KALRN: variants seen among roughly 807,000 people sequenced by gnomAD.
The protein encoded by KALRN is kalirin RhoGEF kinase, also known as kalirin.
KALRN carries 70 observed loss-of-function variants against 353.7 expected under a neutral mutation model. The ratio of observed to expected loss-of-function variants is 0.20; its 90% CI spans 0.16 to 0.24. The LOEUF (loss-of-function observed/expected upper bound fraction) is 0.24, where lower values mean the gene tolerates loss of function less well. KALRN is among the 10% of genes least tolerant of loss of function. The pLI is 1.00. For missense variants in KALRN, 2,791 were observed against 3,756.7 expected, an observed-to-expected ratio of 0.74 and a Z score of 6.72; for synonymous variants, 1,391 against 1,434.8, an observed-to-expected ratio of 0.97 and a Z score of 0.69.
intron 36 of KALRN, among the ~76,000 whole-genome samples, chr3:124,634,900 G>A (rs897753245): frequency 1.3e-5 from 2 of 152,150 alleles, no homozygotes; most frequent in Admixed American, 1.3e-4. Flanking sequence ...CCTGTAGTGG[G>A]ACAGCCTCCT....
At chr3:124,174,399 A>G (rs2072354306) in intron 1 of KALRN, among the ~76,000 whole-genome samples, 1 of 152,038 alleles carries the variant, frequency 6.6e-6, no homozygotes, top group Admixed American at 6.6e-5. Flanking sequence ...ATGTCACTGC[A>G]CTCCAGCCTG....
At chr3:124,066,483 G>C (rs778245580) in intron 1 of KALRN, among the ~76,000 whole-genome samples, 1 of 152,144 alleles carries the variant, frequency 6.6e-6, no homozygotes, top group African/African-American at 2.4e-5. Context: ...TTAATGAAAG[G>C]ACTCTTTACA....
intron 34 of KALRN, among the ~76,000 whole-genome samples, chr3:124,628,967 T>G (rs1036790184): frequency 3.3e-5 from 5 of 152,194 alleles, no homozygotes; most frequent in Non-Finnish European, 1.5e-5. Flanking sequence ...CCAGGTAGAT[T>G]AGACCTCTAG....
chr3:124,622,372 A>G (rs78665539), intron 34 of KALRN, among the ~76,000 whole-genome samples: 1,594 of 152,340 alleles, frequency 0.01, 34 homozygotes, highest in African/African-American at 0.036. Context: ...TATATGGAGC[A>G]ACTGGACCCC....
chr3:124,223,272 G>C (rs6764786), intron 1 of KALRN, among the ~76,000 whole-genome samples: 15,059 of 152,114 alleles, frequency 0.099, 1,138 homozygotes, highest in African/African-American at 0.2. Context: ...CTTAGGAATA[G>C]GAAAATTTCA....
At position 124,667,145 on chromosome 3, in the gene KALRN, T is replaced by C. The variant is rs1183875716; in HGVS notation, c.6665T>C (p.Ile2222Thr). ...ADIQQAWVQD[I>T]NQVLETQRDF... ...ATCCAGCAGGCCTGGGTGCAGGACA[T>C]CAATCAAGTCTTAGAAACACAGCGA... The change falls in exon 47 of 60, where the codon ATC becomes ACC. Residue 2222 changes from isoleucine (I) to threonine (T), a missense_variant. Transcript: ENST00000682506. The C allele has an allele frequency of 1.2e-6, 2 of 1,614,022 alleles. No individual in the cohort carries two copies. The highest frequency in any genetic ancestry group is 2.7e-5 in the African/African-American group (2 of 74,908).
chr3:124,562,860 G>A lies in KALRN; in HGVS notation c.4953G>A (p.Glu1651=), dbSNP rs754034060. ...VDSDKLSGGC[E]LTVVLQDFSA... ...CTCCAAAGCTCTCTGGTGGATGTGAGCTGACAGTGGTCCTCCAGGACTTCA... is the reference window on the plus strand; with the variant it reads ...CTCCAAAGCTCTCTGGTGGATGTGAACTGACAGTGGTCCTCCAGGACTTCA... Residue 1651 remains glutamate (E), a synonymous_variant, in exon 34 of 60, where the codon GAG becomes GAA. Coordinates refer to ENST00000682506, the MANE Select transcript of KALRN (RefSeq NM_001388419.1). 2.2e-6 allele frequency: 3 copies of A among 1,365,970 alleles called. No homozygotes were observed. In the East Asian group the frequency reaches 1.4e-4, roughly 62 times the overall value. The allele number at this position is 1,365,970 out of a possible 1,614,324, so 84.6% of individuals were successfully genotyped here. A position where few individuals can be genotyped will look rare whatever the true frequency, so the allele number is the denominator to read the frequency against.
intron 38 of KALRN, among the ~76,000 whole-genome samples, chr3:124,651,901 G>C (rs1012295653): frequency 2.6e-5 from 4 of 152,114 alleles, no homozygotes; most frequent in Admixed American, 2.6e-4. Context: ...GCCTCCCAAA[G>C]TGTTGGGATT....
chr3:124,443,779 G>A (rs2093743630), intron 19 of KALRN, among the ~76,000 whole-genome samples: 2 of 152,118 alleles, frequency 1.3e-5, no homozygotes, highest in Admixed American at 6.6e-5. Flanking sequence ...AGGAAGAGGG[G>A]GGAAAATAAT....
intron 3 of KALRN, among the ~76,000 whole-genome samples, chr3:124,255,728 C>T (rs1383246485): frequency 2.6e-5 from 4 of 151,960 alleles, no homozygotes; most frequent in Non-Finnish European, 4.4e-5. Context: ...TATCCCAGTG[C>T]AGATGGAGCA....
At chr3:124,204,283 A>C (rs930041024) in intron 1 of KALRN, among the ~76,000 whole-genome samples, 3 of 152,238 alleles carry the variant, frequency 2.0e-5, no homozygotes, top group Non-Finnish European at 4.4e-5. Context: ...CTTTAGACTC[A>C]TTGAATCTAA....
chr3:124,638,623 C>T (rs1408897053), intron 37 of KALRN, among the ~76,000 whole-genome samples: 1 of 151,960 alleles, frequency 6.6e-6, no homozygotes, highest in Non-Finnish European at 1.5e-5. Context: ...GAGCATGGGC[C>T]CTGAATTCAT....
intron 33 of KALRN, among the ~76,000 whole-genome samples, chr3:124,501,243 C>T (rs2064491556): frequency 1.3e-5 from 2 of 152,154 alleles, no homozygotes; most frequent in South Asian, 2.1e-4. Flanking sequence ...GGAAGGAACA[C>T]TGCTGAAACA....
At chr3:124,565,208 G>A (rs986912) in intron 34 of KALRN, among the ~76,000 whole-genome samples, 57,139 of 152,038 alleles carry the variant, frequency 0.38, 11,359 homozygotes, top group African/African-American at 0.51. Context: ...TGTCAGCTAA[G>A]ACCGACGTCC....
intron 1 of KALRN, among the ~76,000 whole-genome samples, chr3:124,194,597 G>A (rs779929110): frequency 2.0e-5 from 3 of 152,138 alleles, no homozygotes; most frequent in African/African-American, 4.8e-5. Context: ...CACTTGCTAT[G>A]GATTATTAAC....
intron 57 of KALRN, among the ~76,000 whole-genome samples, chr3:124,710,754 A>C (rs1020803509): frequency 4.6e-5 from 7 of 152,226 alleles, no homozygotes; most frequent in Non-Finnish European, 7.3e-5. Context: ...ATGCTACTGC[A>C]CTCAAGCGTG....
intron 1 of KALRN, among the ~76,000 whole-genome samples, chr3:124,170,831 C>CTTTTTTTTTTTTTTTTTTTT (rs752783614): frequency 2.1e-5 from 1 of 47,118 alleles, no homozygotes; most frequent in Admixed American, 3.3e-4. Flanking sequence ...CTTCCACATT[C>CTTTTTTTTTTTTTTTTTTTT]TTTTTTTTTT....
chr3:124,459,776 C>T lies in KALRN; in HGVS notation c.3855-2114C>T, dbSNP rs561618206. On this transcript the variant is annotated intron_variant, in intron 23 of 59. Coordinates refer to ENST00000682506, the MANE Select transcript of KALRN (RefSeq NM_001388419.1). Reference sequence around the variant, plus strand: ...AATAGTATGTCCTAAGATTAAGAAGCTCTATATAGTTTATTTTATCAAGAT... The same window carrying T: ...AATAGTATGTCCTAAGATTAAGAAGTTCTATATAGTTTATTTTATCAAGAT... Among the ~76,000 whole-genome samples, 9 of 152,218 alleles carry T rather than the reference C, an allele frequency of 5.9e-5. No homozygotes were observed. In the South Asian group the frequency reaches 1.0e-3, roughly 18 times the overall value.
intron 33 of KALRN, among the ~76,000 whole-genome samples, chr3:124,545,991 T>C (rs970682813): frequency 6.6e-6 from 1 of 152,206 alleles, no homozygotes; most frequent in African/African-American, 2.4e-5. Context: ...GTCTCCCTTT[T>C]TCTAGTTCCC....
Sources: allele counts gnomAD v4.1 joint callset (sites outside exome capture counted in the v4.1 genomes callset), GRCh38; gene constraint gnomAD v4.1.1; transcripts MANE v1.5; gene names NCBI Gene and HGNC (gene_info 2026-07-23, HGNC 2026-07-21).